The following GRIN2B variants were observed in gnomAD, a reference collection of about 807,000 sequenced individuals.
GRIN2B encodes glutamate ionotropic receptor NMDA type subunit 2B.
Under a neutral mutation model 114.5 loss-of-function variants are expected in GRIN2B, and 5 were observed. The observed-to-expected ratio is 0.04, with a 90% CI of 0.02 to 0.09. GRIN2B has a LOEUF of 0.09. Among genes scored for constraint, GRIN2B ranks in the 10% least tolerant of loss-of-function variants. The probability of loss-of-function intolerance (pLI) is 1.00; values close to 1 mark genes in which losing one functional copy is unlikely to be tolerated. For missense variants in GRIN2B, 1,108 were observed against 1,943.5 expected (o/e 0.57, Z 8.08); for synonymous variants, 787 against 745.1 (o/e 1.06, Z -0.92).
At chr12:13,678,853 A>T (rs191879880) in intron 4 of GRIN2B, among the ~76,000 whole-genome samples, 60 of 152,316 alleles carry the variant, frequency 3.9e-4, no homozygotes, top group Admixed American at 1.8e-3. Flanking sequence ...GCACTAATAT[A>T]ATATACTTGA....
chr12:13,844,923 C>G (rs183240829), intron 3 of GRIN2B, among the ~76,000 whole-genome samples: 7 of 152,306 alleles, frequency 4.6e-5, no homozygotes, highest in African/African-American at 1.7e-4. Flanking sequence ...CCTTCCTGTT[C>G]TCTCTTCCAA....
chr12:13,813,247 T>C lies in GRIN2B; in HGVS notation c.411+52551A>G, dbSNP rs540467940. Among the ~76,000 whole-genome samples the C allele has an allele frequency of 7.8e-4, 118 of 152,180 alleles. 2 individuals carry two copies. The South Asian group carries it at 0.02, about 25-fold the overall frequency. ...ACCGTGCCCGGCCTGGGAAATTTTA[T>C]ATGAAACTGGAAATCAAAAAAAGTA... is the stretch of plus-strand genomic sequence containing the variant. On this transcript the variant is annotated intron_variant, in intron 3 of 13. Transcript: ENST00000609686.
At chr12:13,620,997 G>T (rs1399979684) in intron 5 of GRIN2B, among the ~76,000 whole-genome samples, 1 of 151,592 alleles carries the variant, frequency 6.6e-6, no homozygotes, top group Admixed American at 6.6e-5. Flanking sequence ...CAACAAACAG[G>T]GTTCATGTTA....
At chr12:13,725,859 G>A (rs1862975609) in intron 4 of GRIN2B, among the ~76,000 whole-genome samples, 1 of 152,086 alleles carries the variant, frequency 6.6e-6, no homozygotes, top group South Asian at 2.1e-4. Context: ...GATGGGCAGA[G>A]AGGTGAGCGC....
chr12:13,862,848 C>G (rs975292336), intron 3 of GRIN2B, among the ~76,000 whole-genome samples: 17 of 152,190 alleles, frequency 1.1e-4, no homozygotes, highest in African/African-American at 4.1e-4. Flanking sequence ...GGCACTCTCT[C>G]TCCAGGTAGC....
intron 2 of GRIN2B, among the ~76,000 whole-genome samples, chr12:13,936,214 G>A (rs867822771): frequency 6.6e-6 from 1 of 152,148 alleles, no homozygotes; most frequent in Non-Finnish European, 1.5e-5. Flanking sequence ...AAGGTAAAAC[G>A]CAGTTACTAG....
chr12:13,931,415 A>C (rs1341643397), intron 2 of GRIN2B, among the ~76,000 whole-genome samples: 1 of 152,092 alleles, frequency 6.6e-6, no homozygotes, highest in Non-Finnish European at 1.5e-5. Flanking sequence ...GTTTCTTCCT[A>C]CTTCAGTGGT....
At position 13,851,120 on chromosome 12, in the gene GRIN2B, G is replaced by C. The variant is rs554874876; in HGVS notation, c.411+14678C>G. ...CTCCTCCCAACCAGGGCAAATCCAG[G>C]ATTCAAAACATACCCAAAAGAGTAT... On this transcript the variant is annotated intron_variant, in intron 3 of 13. Coordinates refer to ENST00000609686, the MANE Select transcript of GRIN2B (RefSeq NM_000834.5). Among the ~76,000 whole-genome samples the C allele has an allele frequency of 6.6e-5, 10 of 152,172 alleles. No individual in the cohort carries two copies. The South Asian group carries it at 1.9e-3, about 28-fold the overall frequency.
At chr12:13,875,979 T>G (rs1011161102) in intron 2 of GRIN2B, among the ~76,000 whole-genome samples, 2 of 152,136 alleles carry the variant, frequency 1.3e-5, no homozygotes, top group African/African-American at 4.8e-5. Flanking sequence ...GAAATTACAG[T>G]ATCATGTGAG....
chr12:13,803,752 G>A (rs1055273432), intron 3 of GRIN2B, among the ~76,000 whole-genome samples: 4 of 152,070 alleles, frequency 2.6e-5, no homozygotes, highest in Admixed American at 6.6e-5. Context: ...ATGGTGAGAT[G>A]GGAAGGTGAT....
rs925999070 is a variant in GRIN2B at position 13,539,184 on chromosome 12, T to A, written c.*23599A>T. 6.6e-6 allele frequency: 1 copy of A among 152,210 alleles called. No homozygotes were observed. The highest frequency in any genetic ancestry group is 2.4e-5 in the African/African-American group (1 of 41,446). The allele number at this position is 152,210 out of a possible 1,614,324, so 9.4% of individuals were successfully genotyped here. Reference sequence around the variant, plus strand: ...GACAGTAACTTCAAAGAGATAACAATACATTATCCTGGGAGATTCCTGGAA... The same window carrying A: ...GACAGTAACTTCAAAGAGATAACAAAACATTATCCTGGGAGATTCCTGGAA... On this transcript the variant is annotated 3_prime_UTR_variant, in exon 14 of 14. Transcript: ENST00000609686.
intron 4 of GRIN2B, among the ~76,000 whole-genome samples, chr12:13,722,347 G>A (rs993083521): frequency 2.6e-5 from 4 of 152,060 alleles, no homozygotes; most frequent in African/African-American, 9.7e-5. Flanking sequence ...CAAAGTCCTT[G>A]AAAAGGAAAA....
At chr12:13,634,029 C>G (rs1017120567) in intron 5 of GRIN2B, 3 of 152,170 alleles carry the variant, frequency 2.0e-5, no homozygotes, top group Non-Finnish European at 4.4e-5. Flanking sequence ...AGCTGCTATA[C>G]ATACATAAAA....
chr12:13,770,579 A>C (rs1199697949), intron 3 of GRIN2B, among the ~76,000 whole-genome samples: 1 of 152,204 alleles, frequency 6.6e-6, no homozygotes, highest in Non-Finnish European at 1.5e-5. Context: ...TCAAATAAAC[A>C]TCAATTTAGC....
At chr12:13,840,780 C>T (rs1314020170) in intron 3 of GRIN2B, among the ~76,000 whole-genome samples, 3 of 151,994 alleles carry the variant, frequency 2.0e-5, no homozygotes, top group African/African-American at 7.3e-5. Context: ...CTTTCGTATG[C>T]TACATTCTCT....
chr12:13,929,971 G>A (rs1866994955), intron 2 of GRIN2B, among the ~76,000 whole-genome samples: 1 of 151,996 alleles, frequency 6.6e-6, no homozygotes, highest in African/African-American at 2.4e-5. Flanking sequence ...GGATCACGAG[G>A]TCTAGAGACT....
At chr12:13,829,531 T>C (rs922460086) in intron 3 of GRIN2B, among the ~76,000 whole-genome samples, 3 of 152,258 alleles carry the variant, frequency 2.0e-5, no homozygotes, top group Admixed American at 6.5e-5. Context: ...TTGCTCCCAC[T>C]CCTGCTTTAT....
At chr12:13,696,402 T>C (rs1030919585) in intron 4 of GRIN2B, among the ~76,000 whole-genome samples, 2 of 152,162 alleles carry the variant, frequency 1.3e-5, no homozygotes, top group Non-Finnish European at 2.9e-5. Context: ...CACCAACATC[T>C]CTTTTGCATG....
intron 2 of GRIN2B, among the ~76,000 whole-genome samples, chr12:13,938,389 G>T (rs1466807453): frequency 6.6e-6 from 1 of 152,102 alleles, no homozygotes; most frequent in African/African-American, 2.4e-5. Flanking sequence ...GCTGTACCCT[G>T]CAACTACATG....
Sources: allele counts gnomAD v4.1 joint callset (sites outside exome capture counted in the v4.1 genomes callset), GRCh38; gene constraint gnomAD v4.1.1; transcripts MANE v1.5; gene names NCBI Gene and HGNC (gene_info 2026-07-23, HGNC 2026-07-21).